The following SH3RF3 variants were observed in gnomAD, a reference collection of about 807,000 sequenced individuals.
SH3RF3 encodes E3 ubiquitin-protein ligase SH3RF3.
A neutral mutation model predicts 66.3 loss-of-function variants in SH3RF3; 29 were observed. The observed-to-expected ratio is 0.44, with a 90% CI of 0.33 to 0.60. The LOEUF is 0.60. SH3RF3 is among the 20% of genes least tolerant of loss of function. The pLI, the probability that SH3RF3 is intolerant of heterozygous loss-of-function variation, is 0.04. For missense variants in SH3RF3, 1,194 were observed against 1,190.9 expected (o/e 1.00, Z -0.04); for synonymous variants, 583 against 532.0 (o/e 1.10, Z -1.32).
chr2:109,202,990 C>A (rs1678719761), intron 1 of SH3RF3, among the ~76,000 whole-genome samples: 2 of 152,216 alleles, frequency 1.3e-5, no homozygotes, highest in Admixed American at 1.3e-4. Flanking sequence ...TTGTGCCTAA[C>A]AAGGTAACAC....
chr2:109,391,874 C>G (rs1573214562), intron 3 of SH3RF3, among the ~76,000 whole-genome samples: 1 of 152,070 alleles, frequency 6.6e-6, no homozygotes, highest in South Asian at 2.1e-4. Flanking sequence ...GGGTCTTACT[C>G]TGTCACCCAG....
chr2:109,263,049 T>C (rs1452322325), intron 1 of SH3RF3, among the ~76,000 whole-genome samples: 1 of 152,132 alleles, frequency 6.6e-6, no homozygotes, highest in East Asian at 1.9e-4. Context: ...TTTCACCATA[T>C]TGGCCAGGCT....
intron 7 of SH3RF3, among the ~76,000 whole-genome samples, chr2:109,447,061 T>C (rs1185880313): frequency 6.6e-6 from 1 of 150,646 alleles, no homozygotes; most frequent in Non-Finnish European, 1.5e-5. Flanking sequence ...CGTGATTGCC[T>C]GACCTGCTCT....
At chr2:109,326,201 T>G (rs1407976904) in intron 1 of SH3RF3, among the ~76,000 whole-genome samples, 2 of 152,234 alleles carry the variant, frequency 1.3e-5, no homozygotes, top group African/African-American at 4.8e-5. Flanking sequence ...AAGGTGTTTT[T>G]CTGTAACTTG....
At chr2:109,403,820 A>C (rs1486310882) in intron 4 of SH3RF3, among the ~76,000 whole-genome samples, 1 of 152,190 alleles carries the variant, frequency 6.6e-6, no homozygotes, top group Non-Finnish European at 1.5e-5. Context: ...ACCTTGGGTA[A>C]GCTGCCTGAC....
intron 1 of SH3RF3, among the ~76,000 whole-genome samples, chr2:109,255,228 G>A (rs1187968188): frequency 6.6e-6 from 1 of 152,186 alleles, no homozygotes; most frequent in Non-Finnish European, 1.5e-5. Context: ...TGGGGCTTCG[G>A]AATAGTGCAT....
intron 2 of SH3RF3, among the ~76,000 whole-genome samples, chr2:109,353,481 G>A (rs1178408845): frequency 6.6e-6 from 1 of 152,196 alleles, no homozygotes; most frequent in African/African-American, 2.4e-5. Flanking sequence ...CCTGAGGGTG[G>A]GTTGAGACCC....
At chr2:109,167,525 C>T (rs1441954509) in intron 1 of SH3RF3, among the ~76,000 whole-genome samples, 2 of 152,168 alleles carry the variant, frequency 1.3e-5, no homozygotes, top group African/African-American at 4.8e-5. Context: ...CAGTCATCCC[C>T]CATTGGTATT....
Position 109,129,663 on chromosome 2 carries a change from G to A in SH3RF3, c.123G>A (p.Gly41=). 6.6e-7 allele frequency: 1 copy of A among 1,507,796 alleles called. No homozygotes were observed. The highest frequency in any genetic ancestry group is 1.4e-5 in the African/African-American group (1 of 69,266). The allele number at this position is 1,507,796 out of a possible 1,614,324, so 93.4% of individuals were successfully genotyped here. ...RRRRAAATAA[G]AGEDMDESSL... is the part of the protein sequence containing the mutation. The stretch of plus-strand genomic sequence containing the variant: ...GTCGGGCGGCGGCCACCGCCGCGGG[G>A]GCGGGCGAGGACATGGACGAGTCGT... The change falls in exon 1 of 10, where the codon GGG becomes GGA. Residue 41 remains glycine (G), a synonymous_variant. Transcript: ENST00000309415.
chr2:109,386,775 G>A (rs1404350158), intron 3 of SH3RF3, among the ~76,000 whole-genome samples: 1 of 152,136 alleles, frequency 6.6e-6, no homozygotes, highest in Non-Finnish European at 1.5e-5. Flanking sequence ...GGAAACCTTT[G>A]CTAGACCTTG....
At chr2:109,227,203 G>A (rs181950223) in intron 1 of SH3RF3, among the ~76,000 whole-genome samples, 1 of 152,304 alleles carries the variant, frequency 6.6e-6, no homozygotes, top group East Asian at 1.9e-4. Flanking sequence ...TCCTGAAATT[G>A]AGAGGATCCC....
intron 1 of SH3RF3, among the ~76,000 whole-genome samples, chr2:109,166,938 A>G (rs950152799): frequency 2.0e-5 from 3 of 152,230 alleles, no homozygotes; most frequent in Non-Finnish European, 4.4e-5. Context: ...AACATGATGC[A>G]TCCATAAATC....
chr2:109,260,161 G>A (rs1032130860), intron 1 of SH3RF3, among the ~76,000 whole-genome samples: 13 of 152,048 alleles, frequency 8.5e-5, no homozygotes, highest in East Asian at 1.9e-4. Context: ...ATGCATTCCC[G>A]AGACTTTCCT....
At chr2:109,242,147 G>T (rs1449120126) in intron 1 of SH3RF3, among the ~76,000 whole-genome samples, 1 of 152,092 alleles carries the variant, frequency 6.6e-6, no homozygotes, top group African/African-American at 2.4e-5. Flanking sequence ...GGCTCCCTGA[G>T]GAATCACTTC....
At chr2:109,431,199 C>A (rs894148185) in intron 5 of SH3RF3, among the ~76,000 whole-genome samples, 1 of 152,168 alleles carries the variant, frequency 6.6e-6, no homozygotes, top group Non-Finnish European at 1.5e-5. Context: ...CTCATATCCC[C>A]AGAGATGCAC....
At chr2:109,208,994 G>A (rs1379996609) in intron 1 of SH3RF3, among the ~76,000 whole-genome samples, 2 of 152,198 alleles carry the variant, frequency 1.3e-5, no homozygotes, top group Non-Finnish European at 2.9e-5. Flanking sequence ...ACAGAGGCCC[G>A]ACATCAACAC....
At chr2:109,468,518 C>T (rs994409608) in intron 8 of SH3RF3, among the ~76,000 whole-genome samples, 6 of 152,088 alleles carry the variant, frequency 3.9e-5, no homozygotes, top group African/African-American at 9.7e-5. Context: ...TGTTTCCATG[C>T]GCCTGGCAAG....
At chr2:109,154,271 G>A (rs1677287526) in intron 1 of SH3RF3, among the ~76,000 whole-genome samples, 1 of 152,172 alleles carries the variant, frequency 6.6e-6, no homozygotes, top group Non-Finnish European at 1.5e-5. Flanking sequence ...GATGGAAGCT[G>A]GGAAATGGAG....
chr2:109,399,707 C>A (rs115979769), intron 4 of SH3RF3, among the ~76,000 whole-genome samples: 1 of 152,218 alleles, frequency 6.6e-6, no homozygotes, highest in Non-Finnish European at 1.5e-5. Context: ...TCTGACAAGA[C>A]CCCTCACAGT....
Sources: gnomAD v4.1 joint callset for allele counts (sites outside exome capture counted in the v4.1 genomes callset) on GRCh38, gnomAD v4.1.1 for gene constraint, MANE v1.5 for transcripts, NCBI Gene and HGNC (gene_info 2026-07-23, HGNC 2026-07-21) for gene names.